ZNF664: variants seen among roughly 807,000 people sequenced by gnomAD.
The protein encoded by ZNF664 is zinc finger protein 664, also known as zinc finger Organ of Corti 1.
Under a neutral mutation model 18.2 loss-of-function variants are expected in ZNF664, and 10 were observed. That is an observed-to-expected ratio of 0.55 (90% CI 0.34 to 0.93). The LOEUF (loss-of-function observed/expected upper bound fraction) is 0.93. Ranked by LOEUF, ZNF664 falls within the 40% of genes least tolerant of loss-of-function variation. The pLI is 0.02. For missense variants in ZNF664, 193 were observed against 319.0 expected (o/e 0.61, Z 3.01); for synonymous variants, 119 against 104.2 (o/e 1.14, Z -0.86).
intron 2 of ZNF664, among the ~76,000 whole-genome samples, chr12:123,980,633 C>G (rs888352112): frequency 1.8e-4 from 27 of 151,904 alleles, no homozygotes; most frequent in Admixed American, 6.6e-5. Flanking sequence ...TATTAAAATG[C>G]TTATGATAGT....
chr12:123,999,498 AAC>A (rs1324208214), intron 3 of ZNF664, among the ~76,000 whole-genome samples: 1 of 152,226 alleles, frequency 6.6e-6, no homozygotes, highest in South Asian at 2.1e-4. Flanking sequence ...TTAAAATCAG[AAC>A]AGTTGTCTCA....
At chr12:123,983,535 C>T (rs1351089201) in intron 2 of ZNF664, among the ~76,000 whole-genome samples, 1 of 152,190 alleles carries the variant, frequency 6.6e-6, no homozygotes, top group South Asian at 2.1e-4. Flanking sequence ...GATATTGTGA[C>T]AGAGCTTGTG....
At chr12:123,981,787 T>A (rs916418565) in intron 2 of ZNF664, among the ~76,000 whole-genome samples, 1 of 152,216 alleles carries the variant, frequency 6.6e-6, no homozygotes, top group Non-Finnish European at 1.5e-5. Flanking sequence ...ACAGTACACA[T>A]GTTTTGCTGT....
Position 124,013,564 on chromosome 12 carries a change from A to G in ZNF664, c.*634A>G, listed in dbSNP as rs1244527315. 1 of 168,716 alleles carries G rather than the reference A, an allele frequency of 5.9e-6. No individual in the cohort carries two copies. Among genetic ancestry groups the G allele is most frequent in the East Asian group, 1.9e-4 (1 of 5,208 alleles). The allele number at this position is 168,716 out of a possible 1,614,324, so 10.5% of individuals were successfully genotyped here. ...ATTCACTTAGCCTATCAGAAAAGTC[A>G]TTGGCAGACATATATGTCCTTGAAC... On this transcript the variant is annotated 3_prime_UTR_variant, in exon 5 of 5. Transcript: ENST00000337815.
Position 124,012,987 on chromosome 12 carries a change from C to T in ZNF664, c.*57C>T, listed in dbSNP as rs997252853. On this transcript the variant is annotated 3_prime_UTR_variant, in exon 5 of 5. Transcript: ENST00000337815. The stretch of plus-strand genomic sequence containing the variant: ...CCCATAAGTGCCACTAGGAAGGAAA[C>T]CCTGTATATACCTACATTGACCCAA... 1 of 1,564,916 alleles carries T rather than the reference C, an allele frequency of 6.4e-7. No individual in the cohort carries two copies. The highest frequency in any genetic ancestry group is 1.4e-5 in the African/African-American group (1 of 72,876).
At chr12:123,979,968 G>A (rs1956743268) in intron 2 of ZNF664, among the ~76,000 whole-genome samples, 1 of 152,218 alleles carries the variant, frequency 6.6e-6, no homozygotes, top group African/African-American at 2.4e-5. Flanking sequence ...ACAGGCATGA[G>A]CCACCATGTC....
At chr12:123,983,523 A>G (rs1050128327) in intron 2 of ZNF664, among the ~76,000 whole-genome samples, 38 of 152,214 alleles carry the variant, frequency 2.5e-4, no homozygotes, top group African/African-American at 8.7e-4. Context: ...AGTGTGTTCT[A>G]TGATATTGTG....
chr12:124,007,014 C>G (rs1957080779), intron 3 of ZNF664, among the ~76,000 whole-genome samples: 1 of 152,188 alleles, frequency 6.6e-6, no homozygotes, highest in Non-Finnish European at 1.5e-5. Flanking sequence ...CTGCCTCTAT[C>G]TGTGTGGAAG....
intron 3 of ZNF664, among the ~76,000 whole-genome samples, chr12:123,998,909 T>C (rs1457116519): frequency 6.6e-6 from 1 of 152,196 alleles, no homozygotes; most frequent in African/African-American, 2.4e-5. Flanking sequence ...TCCAAGTCTG[T>C]GTCAGGGTGG....
intron 2 of ZNF664, among the ~76,000 whole-genome samples, chr12:123,986,414 C>T (rs1956826330): frequency 2.6e-5 from 4 of 152,200 alleles, no homozygotes; most frequent in Admixed American, 2.6e-4. Flanking sequence ...TTGCTGCCAT[C>T]TGGCTTGTTT....
intron 3 of ZNF664, 103 bp downstream of exon 3, chr12:123,988,241 T>A: frequency 1.8e-6 from 2 of 1,096,036 alleles, no homozygotes; most frequent in Non-Finnish European, 2.3e-6. Flanking sequence ...ATGTGCCCTT[T>A]GGGCTCAGTG....
rs549360009 is a variant in ZNF664 at position 124,011,742 on chromosome 12, G to T, written c.-403G>T. 88 of 1,065,524 alleles carry T rather than the reference G, an allele frequency of 8.3e-5. No homozygotes were observed. The East Asian group carries it at 6.4e-3, about 77-fold the overall frequency. The allele number at this position is 1,065,524 out of a possible 1,614,324, so 66.0% of individuals were successfully genotyped here. A position where few individuals can be genotyped will look rare whatever the true frequency, so the allele number is the denominator to read the frequency against. ...CATCCTTCGATACAGGGGATATACT[G>T]TACAGTCCTTTTTCTAGAAGTGAGA... On this transcript the variant is annotated 5_prime_UTR_variant, in exon 5 of 5. Transcript: ENST00000337815.
intron 3 of ZNF664, among the ~76,000 whole-genome samples, chr12:123,991,601 A>T (rs1956889959): frequency 6.6e-6 from 1 of 152,210 alleles, no homozygotes; most frequent in African/African-American, 2.4e-5. Flanking sequence ...AGGTACTTTC[A>T]TGTTTATTAT....
intron 3 of ZNF664, among the ~76,000 whole-genome samples, chr12:123,991,610 A>G (rs2138377378): frequency 6.6e-6 from 1 of 152,368 alleles, no homozygotes; most frequent in East Asian, 1.9e-4. Context: ...CATGTTTATT[A>G]TCTTTAATTA....
At chr12:124,006,290 C>G (rs575977934) in intron 3 of ZNF664, 1 of 152,254 alleles carries the variant, frequency 6.6e-6, no homozygotes, top group Non-Finnish European at 1.5e-5. Context: ...CCTGCAGCCT[C>G]GGCCCTATGC....
At chr12:123,977,287 TAGG>T (rs919208709) in intron 2 of ZNF664, among the ~76,000 whole-genome samples, 4 of 152,094 alleles carry the variant, frequency 2.6e-5, no homozygotes, top group East Asian at 1.9e-4. Flanking sequence ...ATATGTGAGA[TAGG>T]AGTGAAGTGA....
intron 2 of ZNF664, 124 bp from the exon 3 acceptor site, chr12:123,987,919 A>G: frequency 8.3e-7 from 1 of 1,206,338 alleles, no homozygotes; most frequent in Middle Eastern, 3.2e-4. Context: ...CCAGATGTAA[A>G]TAGGTCTGTC....
chr12:123,992,952 C>G (rs825506), intron 3 of ZNF664, among the ~76,000 whole-genome samples: 151,759 of 152,272 alleles, frequency 1, 75,626 homozygotes, highest in Non-Finnish European at 1. Context: ...AGTAACTGAA[C>G]TCGGCCCAGA....
At chr12:123,992,765 T>C (rs116948897) in intron 3 of ZNF664, among the ~76,000 whole-genome samples, 5,343 of 152,284 alleles carry the variant, frequency 0.035, 150 homozygotes, top group Non-Finnish European at 0.049. Context: ...TACAGCAGAA[T>C]GCATTGGTGC....
Sources: gnomAD v4.1 joint callset for allele counts (sites outside exome capture counted in the v4.1 genomes callset) on GRCh38, gnomAD v4.1.1 for gene constraint, MANE v1.5 for transcripts, NCBI Gene and HGNC (gene_info 2026-07-23, HGNC 2026-07-21) for gene names.